Variants in LRRC7 observed in about 807,000 individuals in gnomAD.
LRRC7 encodes leucine-rich repeat-containing protein 7.
In LRRC7, 23 loss-of-function variants were observed where a neutral mutation model predicts 175.7. That is an observed-to-expected ratio of 0.13 (90% confidence interval 0.09 to 0.19). LRRC7 has a LOEUF of 0.19. LRRC7 is among the 10% of genes least tolerant of loss of function. The pLI is 1.00. For missense variants in LRRC7, 1,354 were observed against 1,904.7 expected, an observed-to-expected ratio of 0.71 and a Z score of 5.38; for synonymous variants, 685 against 680.9, an observed-to-expected ratio of 1.01 and a Z score of -0.09.
At chr1:69,961,743 C>T (rs1261256204) in intron 8 of LRRC7, among the ~76,000 whole-genome samples, 2 of 152,156 alleles carry the variant, frequency 1.3e-5, no homozygotes, top group African/African-American at 4.8e-5. Context: ...AAAAGGATTC[C>T]CTGTTTAATA....
At chr1:70,020,197 A>T (rs1571036710) in intron 15 of LRRC7, among the ~76,000 whole-genome samples, 1 of 152,032 alleles carries the variant, frequency 6.6e-6, no homozygotes, top group Non-Finnish European at 1.5e-5. Flanking sequence ...TAACAAAGAA[A>T]GACATATATG....
At chr1:69,842,955 T>A (rs1045266028) in intron 7 of LRRC7, among the ~76,000 whole-genome samples, 1 of 152,040 alleles carries the variant, frequency 6.6e-6, no homozygotes, top group Non-Finnish European at 1.5e-5. Flanking sequence ...TCCCAGCACT[T>A]TGGGAGACCA....
intron 1 of LRRC7, among the ~76,000 whole-genome samples, chr1:69,595,615 C>T (rs912076479): frequency 3.9e-5 from 6 of 152,150 alleles, no homozygotes; most frequent in Non-Finnish European, 7.3e-5. Context: ...CTTACTTTCC[C>T]TGCCTTGGCT....
At chr1:69,797,652 C>T (rs1171292152) in intron 4 of LRRC7, among the ~76,000 whole-genome samples, 3 of 152,090 alleles carry the variant, frequency 2.0e-5, no homozygotes, top group Non-Finnish European at 4.4e-5. Context: ...TATCTCTTTC[C>T]TAGATTACTT....
chr1:69,620,520 C>T (rs1028284517), intron 1 of LRRC7, among the ~76,000 whole-genome samples: 2 of 152,128 alleles, frequency 1.3e-5, no homozygotes, highest in Non-Finnish European at 2.9e-5. Context: ...ATACCACTCT[C>T]ATTTATTTTC....
chr1:69,914,331 CAT>C (rs1557882121), intron 7 of LRRC7, among the ~76,000 whole-genome samples: 1 of 152,122 alleles, frequency 6.6e-6, no homozygotes, highest in Non-Finnish European at 1.5e-5. Context: ...GAAAGAAAAT[CAT>C]AGATTGTACA....
At chr1:69,622,949 T>C (rs1441113126) in intron 1 of LRRC7, among the ~76,000 whole-genome samples, 5 of 152,200 alleles carry the variant, frequency 3.3e-5, no homozygotes, top group Non-Finnish European at 7.4e-5. Flanking sequence ...CTTAAGACTG[T>C]GTCTGAGTAG....
chr1:69,633,421 T>C (rs1652824094), intron 1 of LRRC7, among the ~76,000 whole-genome samples: 1 of 151,632 alleles, frequency 6.6e-6, no homozygotes, highest in Admixed American at 6.6e-5. Flanking sequence ...TTTTTTGTTA[T>C]TTATTTATTT....
At chr1:69,734,912 TA>T (rs1667950605) in intron 2 of LRRC7, among the ~76,000 whole-genome samples, 2 of 151,814 alleles carry the variant, frequency 1.3e-5, no homozygotes, top group South Asian at 4.1e-4. Flanking sequence ...CAATATACAA[TA>T]AACATGAGAA....
At chr1:69,634,075 A>T (rs1012953455) in intron 1 of LRRC7, among the ~76,000 whole-genome samples, 1 of 152,128 alleles carries the variant, frequency 6.6e-6, no homozygotes, top group Admixed American at 6.6e-5. Context: ...AATATTTAAT[A>T]AAAAATTAAC....
At chr1:69,906,720 T>G (rs1646326296) in intron 7 of LRRC7, among the ~76,000 whole-genome samples, 1 of 152,284 alleles carries the variant, frequency 6.6e-6, no homozygotes, top group East Asian at 1.9e-4. Flanking sequence ...TTCTTTTGGC[T>G]TAGGATTGAC....
At chr1:70,054,549 G>A (rs1660983475) in intron 23 of LRRC7, among the ~76,000 whole-genome samples, 1 of 127,578 alleles carries the variant, frequency 7.8e-6, no homozygotes, top group Non-Finnish European at 1.6e-5. Context: ...TTCTAATTCT[G>A]AAATTGAATT....
intron 1 of LRRC7, among the ~76,000 whole-genome samples, chr1:69,593,238 T>C (rs1646708428): frequency 6.6e-6 from 1 of 152,092 alleles, no homozygotes; most frequent in African/African-American, 2.4e-5. Flanking sequence ...TATTAGAATT[T>C]AAGAAATTAA....
At chr1:69,903,617 C>A (rs1193128498) in intron 7 of LRRC7, among the ~76,000 whole-genome samples, 1 of 152,028 alleles carries the variant, frequency 6.6e-6, no homozygotes, top group Non-Finnish European at 1.5e-5. Flanking sequence ...CAAGAGCAAA[C>A]AAATTTAAAA....
At chr1:69,588,988 T>TGTGTGTGTGG (rs1553121569) in intron 1 of LRRC7, among the ~76,000 whole-genome samples, 2 of 148,012 alleles carry the variant, frequency 1.4e-5, no homozygotes, top group South Asian at 2.1e-4. Context: ...CTGGGGTCTG[T>TGTGTGTGTGG]GTGTGTGTGT....
chr1:69,990,350 A>C (rs898997568), intron 10 of LRRC7, among the ~76,000 whole-genome samples: 10 of 152,092 alleles, frequency 6.6e-5, no homozygotes, highest in African/African-American at 2.4e-4. Context: ...AATAGGATAA[A>C]ATACCTTTGA....
At chr1:69,831,630 C>T (rs1479929100) in intron 5 of LRRC7, among the ~76,000 whole-genome samples, 1 of 152,040 alleles carries the variant, frequency 6.6e-6, no homozygotes, top group Non-Finnish European at 1.5e-5. Flanking sequence ...TTTCACTTGC[C>T]TCCCTTCTCT....
chr1:69,621,308 A>AGTGCTG (rs1390238264), intron 1 of LRRC7, among the ~76,000 whole-genome samples: 3 of 152,154 alleles, frequency 2.0e-5, no homozygotes, highest in Admixed American at 2.0e-4. Flanking sequence ...GACCTCTCAA[A>AGTGCTG]GTGCTGGGGT....
At chr1:69,644,549 A>C (rs552726959) in intron 1 of LRRC7, among the ~76,000 whole-genome samples, 4 of 152,034 alleles carry the variant, frequency 2.6e-5, no homozygotes, top group Non-Finnish European at 1.5e-5. Flanking sequence ...TTGTAAACAG[A>C]TAAAATTAGT....
Sources: allele counts gnomAD v4.1 joint callset (sites outside exome capture counted in the v4.1 genomes callset), GRCh38; gene constraint gnomAD v4.1.1; transcripts MANE v1.5; gene names NCBI Gene and HGNC (gene_info 2026-07-23, HGNC 2026-07-21).